The following SMYD3 variants were observed in gnomAD, a reference collection of about 807,000 sequenced individuals.
SMYD3 encodes the protein SET and MYND domain containing 3.
A neutral mutation model predicts 57.7 loss-of-function variants in SMYD3; 36 were observed. The observed-to-expected ratio is 0.62, with a 90% CI of 0.48 to 0.82. SMYD3 has a LOEUF of 0.82. SMYD3 is among the 40% of genes least tolerant of loss of function. The pLI is 0.00. For synonymous variants in SMYD3, 211 were observed against 195.0 expected (o/e 1.08, Z -0.68); for missense variants, 515 against 538.8 (o/e 0.96, Z 0.44).
At chr1:245,907,624 A>G (rs945213266) in intron 8 of SMYD3, among the ~76,000 whole-genome samples, 3 of 152,250 alleles carry the variant, frequency 2.0e-5, no homozygotes, top group African/African-American at 7.2e-5. Context: ...AAAGGCAAAC[A>G]ATACAAGAGG....
chr1:245,994,889 G>T (rs2058891488), intron 5 of SMYD3, among the ~76,000 whole-genome samples: 1 of 152,062 alleles, frequency 6.6e-6, no homozygotes, highest in Admixed American at 6.5e-5. Context: ...CACTTTGGGA[G>T]GCCGAGGTGG....
chr1:246,464,676 G>A (rs934288599), intron 1 of SMYD3, among the ~76,000 whole-genome samples: 1 of 152,204 alleles, frequency 6.6e-6, no homozygotes. Flanking sequence ...AGTGGTTGAG[G>A]AAACACTCTT....
At chr1:246,369,381 T>G (rs1019800271) in intron 1 of SMYD3, among the ~76,000 whole-genome samples, 3 of 152,224 alleles carry the variant, frequency 2.0e-5, no homozygotes, top group Non-Finnish European at 4.4e-5. Context: ...TTTTTCCTAG[T>G]TATTTTTGGG....
chr1:246,489,203 G>A (rs1341614597), intron 1 of SMYD3, among the ~76,000 whole-genome samples: 6 of 151,980 alleles, frequency 3.9e-5, no homozygotes, highest in East Asian at 1.9e-4. Flanking sequence ...AAAATTAGCC[G>A]GGCGTGGTGG....
chr1:245,834,193 GCTCTT>G (rs2049991122), intron 10 of SMYD3, among the ~76,000 whole-genome samples: 1 of 151,898 alleles, frequency 6.6e-6, no homozygotes, highest in Non-Finnish European at 1.5e-5. Context: ...ATAAAGGAAT[GCTCTT>G]CAGAGCCTCT....
rs140290783 is a variant in SMYD3 at position 245,937,267 on chromosome 1, GCTTT to G, written c.532-7334_532-7331del. Among the ~76,000 whole-genome samples, 558 of 152,236 alleles carry G rather than the reference GCTTT, an allele frequency of 3.7e-3. 4 individuals are homozygous for G. Among genetic ancestry groups the G allele is most frequent in the African/African-American group, 0.013 (536 of 41,556 alleles). ...TAAGGAATGGCAATCATAAAATTGTGCTTTCTATTTTATCTCTCTCCCACAGTCA... is the reference window on the plus strand; with the variant it reads ...TAAGGAATGGCAATCATAAAATTGTGCTATTTTATCTCTCTCCCACAGTCA... On this transcript the variant is annotated intron_variant, in intron 5 of 11. Coordinates refer to ENST00000490107, the MANE Select transcript of SMYD3 (RefSeq NM_001167740.2).
chr1:245,768,149 G>A (rs1457400873), intron 10 of SMYD3, among the ~76,000 whole-genome samples: 1 of 152,200 alleles, frequency 6.6e-6, no homozygotes, highest in Non-Finnish European at 1.5e-5. Context: ...ACTTGTTTGG[G>A]TGATATAAAT....
chr1:246,197,122 T>C (rs952073629), intron 5 of SMYD3, among the ~76,000 whole-genome samples: 2 of 152,160 alleles, frequency 1.3e-5, no homozygotes, highest in Non-Finnish European at 2.9e-5. Context: ...GGATTATAAC[T>C]AGAGATATAA....
At chr1:246,387,123 A>G (rs985509065) in intron 1 of SMYD3, among the ~76,000 whole-genome samples, 2 of 152,198 alleles carry the variant, frequency 1.3e-5, no homozygotes, top group Non-Finnish European at 2.9e-5. Flanking sequence ...ATTACCATTT[A>G]GAAGCTTCCT....
chr1:246,448,309 G>T (rs373834955), intron 1 of SMYD3, among the ~76,000 whole-genome samples: 1 of 152,210 alleles, frequency 6.6e-6, no homozygotes. Flanking sequence ...CCAACGCACA[G>T]AGACTAAGAT....
Position 246,403,329 on chromosome 1 carries a change from T to TA in SMYD3, c.165-48236dup, listed in dbSNP as rs111565300. The stretch of plus-strand genomic sequence containing the variant: ...GGCAACATAGTAAGGCCCTGTGTCT[T>TA]AAAAAAAAAAAAAATTTAATTAGCC... On this transcript the variant is annotated intron_variant, in intron 1 of 11. Transcript: ENST00000490107. Among the ~76,000 whole-genome samples the TA allele has an allele frequency of 3.2e-3, 458 of 144,910 alleles. 9 individuals carry two copies. In the South Asian group the frequency reaches 0.045, roughly 14 times the overall value.
At chr1:245,923,523 C>T (rs560142833) in intron 7 of SMYD3, among the ~76,000 whole-genome samples, 3 of 152,130 alleles carry the variant, frequency 2.0e-5, no homozygotes, top group Admixed American at 1.3e-4. Flanking sequence ...TAAATTCTTT[C>T]GTCGTCTATT....
intron 5 of SMYD3, among the ~76,000 whole-genome samples, chr1:246,160,935 C>G (rs1043075281): frequency 6.6e-6 from 1 of 152,196 alleles, no homozygotes; most frequent in African/African-American, 2.4e-5. Flanking sequence ...TTCTCCAGAG[C>G]AGCAGCAGAC....
intron 5 of SMYD3, among the ~76,000 whole-genome samples, chr1:246,147,767 G>A (rs1258803726): frequency 6.6e-6 from 1 of 152,078 alleles, no homozygotes; most frequent in East Asian, 1.9e-4. Context: ...TGCGGCTGCA[G>A]ACCTGGGCTT....
intron 5 of SMYD3, among the ~76,000 whole-genome samples, chr1:245,980,958 A>G (rs1459096192): frequency 1.3e-5 from 2 of 152,210 alleles, no homozygotes; most frequent in Non-Finnish European, 2.9e-5. Flanking sequence ...GCTACAAGGC[A>G]GAGTAAAGCA....
intron 5 of SMYD3, among the ~76,000 whole-genome samples, chr1:246,215,370 T>C (rs1184060325): frequency 6.6e-6 from 1 of 152,030 alleles, no homozygotes; most frequent in East Asian, 1.9e-4. Flanking sequence ...ATGCATGTAG[T>C]TAAATAAATA....
At position 245,929,874 on chromosome 1, in the gene SMYD3, G is replaced by C. The variant is rs936074901; in HGVS notation, c.595C>G (p.Pro199Ala). 4 of 1,612,106 alleles carry C rather than the reference G, an allele frequency of 2.5e-6. No homozygotes were observed. Among genetic ancestry groups the C allele is most frequent in the Non-Finnish European group, 3.4e-6 (4 of 1,178,384 alleles). ...EMQEVGVGLY[P>A]SISLLNHSCD... ...ATGAAGTACCATACACCATACCTGG[G>C]ATATAGGCCAACACCAACTTCCTGC... is the stretch of plus-strand genomic sequence containing the variant. Residue 199 changes from proline to alanine, a missense_variant, in exon 6 of 12, where the codon CCC becomes GCC. Transcript: ENST00000490107.
At chr1:246,149,867 CCT>C (rs1218261795) in intron 5 of SMYD3, among the ~76,000 whole-genome samples, 3 of 152,196 alleles carry the variant, frequency 2.0e-5, no homozygotes, top group South Asian at 2.1e-4. Context: ...AAAGATCACC[CCT>C]CTGTCTACAA....
intron 5 of SMYD3, among the ~76,000 whole-genome samples, chr1:246,324,983 T>G: frequency 9.4e-6 from 1 of 106,914 alleles, no homozygotes; most frequent in Non-Finnish European, 1.9e-5. Context: ...GGAGAAGGAG[T>G]CAGGGGGCGG....
Sources: gnomAD v4.1 joint callset for allele counts (sites outside exome capture counted in the v4.1 genomes callset) on GRCh38, gnomAD v4.1.1 for gene constraint, MANE v1.5 for transcripts, NCBI Gene and HGNC (gene_info 2026-07-23, HGNC 2026-07-21) for gene names.